The following PTPRT variants were observed in gnomAD, a reference collection of about 807,000 sequenced individuals.
The protein encoded by PTPRT is protein tyrosine phosphatase receptor type T, also known as receptor-type tyrosine-protein phosphatase T.
Under a neutral mutation model 176.8 loss-of-function variants are expected in PTPRT, and 56 were observed. The observed-to-expected ratio is 0.32, with a 90% CI of 0.26 to 0.40. The LOEUF is 0.40. PTPRT is among the 10% of genes least tolerant of loss of function. The probability of loss-of-function intolerance (pLI) is 1.00; values close to 1 mark genes in which losing one functional copy is unlikely to be tolerated. For synonymous variants in PTPRT, 783 were observed against 739.0 expected (o/e 1.06, Z -0.96); for missense variants, 1,540 against 1,908.2 (o/e 0.81, Z 3.60).
At chr20:43,048,637 C>T (rs1157386423) in intron 1 of PTPRT, among the ~76,000 whole-genome samples, 1 of 152,060 alleles carries the variant, frequency 6.6e-6, no homozygotes, top group Non-Finnish European at 1.5e-5. Flanking sequence ...CTGTTGGTGG[C>T]CCTCATAGAG....
intron 2 of PTPRT, among the ~76,000 whole-genome samples, chr20:42,796,568 G>A (rs927694096): frequency 6.6e-6 from 1 of 152,234 alleles, no homozygotes; most frequent in Non-Finnish European, 1.5e-5. Context: ...AGACAACTCT[G>A]CCGTTCCTTG....
intron 7 of PTPRT, among the ~76,000 whole-genome samples, chr20:42,539,809 C>T (rs2072546583): frequency 6.6e-6 from 1 of 151,860 alleles, no homozygotes; most frequent in African/African-American, 2.4e-5. Context: ...ATATTAGAAG[C>T]CAATAAAAGG....
At chr20:43,074,298 A>G (rs1047391164) in intron 1 of PTPRT, among the ~76,000 whole-genome samples, 1 of 152,208 alleles carries the variant, frequency 6.6e-6, no homozygotes. Flanking sequence ...AAATTTTATA[A>G]CGTCTATTAA....
chr20:42,809,711 G>C (rs1351306428), intron 2 of PTPRT, among the ~76,000 whole-genome samples: 3 of 152,056 alleles, frequency 2.0e-5, no homozygotes, highest in South Asian at 4.1e-4. Flanking sequence ...GTTTTCACAT[G>C]GTCTTCTCCT....
At chr20:42,875,031 G>T (rs990965272) in intron 2 of PTPRT, among the ~76,000 whole-genome samples, 1 of 152,166 alleles carries the variant, frequency 6.6e-6, no homozygotes, top group Admixed American at 6.5e-5. Flanking sequence ...TTTGTCATCA[G>T]AAGAAGCACT....
rs181250465 is a variant in PTPRT at position 42,574,887 on chromosome 20, T to C, written c.1154-102325A>G. Among the ~76,000 whole-genome samples, 19 of 152,082 alleles carry C rather than the reference T, an allele frequency of 1.2e-4. No homozygotes were observed. In the East Asian group the frequency reaches 3.7e-3, roughly 29 times the overall value. On this transcript the variant is annotated intron_variant, in intron 7 of 30. Transcript: ENST00000373187. ...AAGTGTTTGGCAGCTCCTCGTTTGT[T>C]CTCTCTCTCTCCTGCCATCCTGCCA...
chr20:43,102,753 A>C (rs74764326), intron 1 of PTPRT, among the ~76,000 whole-genome samples: 1,904 of 152,276 alleles, frequency 0.013, 36 homozygotes, highest in African/African-American at 0.044. Flanking sequence ...TACCTATGGC[A>C]GGAGCCCCTG....
chr20:42,962,795 C>CG (rs1568703728), intron 1 of PTPRT, among the ~76,000 whole-genome samples: 1 of 152,156 alleles, frequency 6.6e-6, no homozygotes. Flanking sequence ...AGGCCAGGCG[C>CG]GGTGGCTCAC....
intron 2 of PTPRT, among the ~76,000 whole-genome samples, chr20:42,854,017 T>C (rs59483795): frequency 0.19 from 29,357 of 152,040 alleles, 2,970 homozygotes; most frequent in East Asian, 0.31. Context: ...TGTCAACAAA[T>C]CCTTTCCAAC....
chr20:42,042,282 C>A, the PTPRT span, among the ~76,000 whole-genome samples: 1 of 152,118 alleles, frequency 6.6e-6, no homozygotes, highest in Non-Finnish European at 1.5e-5. Flanking sequence ...CATTAGTGAG[C>A]AATAGAGATT....
At chr20:42,243,088 A>G (rs1225259148) in intron 14 of PTPRT, among the ~76,000 whole-genome samples, 2 of 150,576 alleles carry the variant, frequency 1.3e-5, no homozygotes, top group African/African-American at 4.9e-5. Context: ...AGAGAGAGAG[A>G]CAGAGAGACA....
chr20:42,060,614 T>C, the PTPRT span, among the ~76,000 whole-genome samples: 2 of 152,234 alleles, frequency 1.3e-5, no homozygotes, highest in African/African-American at 4.8e-5. Context: ...AAGTTTTCTC[T>C]CTCTGCCTGC....
rs1389160956 is a variant in PTPRT, at chr20:42,141,948, G to A, written c.2737C>T (p.Arg913Cys). Residue 913 changes from arginine (R) to cysteine (C), a missense_variant, in exon 18 of 31, where the codon CGC becomes TGC. Arg to Cys is a radical substitution (Grantham distance 180). Around this residue, in one of 11 missense-constraint regions of PTPRT, gnomAD observed 248 missense variants for 356.7 expected, o/e 0.70. Transcript: ENST00000373187. ...ATGTTCCCATATCGATTCTTATTGC[G>A]GTTTTCATCCTCCTTGGCTGTGTCC... ...SWDTAKEDENRNKNRYGNIIS... is the reference protein window; with the variant it reads ...SWDTAKEDENCNKNRYGNIIS... The A allele has an allele frequency of 3.7e-6, 6 of 1,614,090 alleles. No homozygotes were observed. Among genetic ancestry groups the A allele is most frequent in the Admixed American group, 1.7e-5 (1 of 60,016 alleles).
At chr20:42,464,471 G>C (rs1256082981) in intron 8 of PTPRT, among the ~76,000 whole-genome samples, 1 of 152,098 alleles carries the variant, frequency 6.6e-6, no homozygotes, top group Non-Finnish European at 1.5e-5. Context: ...GTAAGATTTT[G>C]AATTCTATTT....
chr20:43,108,728 T>C (rs1451141373), intron 1 of PTPRT, among the ~76,000 whole-genome samples: 2 of 152,062 alleles, frequency 1.3e-5, no homozygotes, highest in Non-Finnish European at 2.9e-5. Flanking sequence ...AGAGGGAGGA[T>C]GTATTTGAAG....
chr20:43,036,201 A>T (rs1018990328), intron 1 of PTPRT, among the ~76,000 whole-genome samples: 1 of 152,162 alleles, frequency 6.6e-6, no homozygotes, highest in Non-Finnish European at 1.5e-5. Context: ...TTTAAAAAAA[A>T]TTTTGTTTTG....
intron 25 of PTPRT, 128 bp downstream of exon 25, chr20:42,104,441 G>T: frequency 9.1e-7 from 1 of 1,094,676 alleles, no homozygotes; most frequent in Non-Finnish European, 1.3e-6. Context: ...GAAGCTTGAT[G>T]CTGGGCTTCT....
chr20:42,991,686 T>A (rs1171820048), intron 1 of PTPRT, among the ~76,000 whole-genome samples: 9 of 152,228 alleles, frequency 5.9e-5, no homozygotes, highest in African/African-American at 2.2e-4. Context: ...CACTCAATTG[T>A]ACACTTAAAA....
At chr20:43,108,847 G>C (rs2012734442) in intron 1 of PTPRT, among the ~76,000 whole-genome samples, 1 of 152,070 alleles carries the variant, frequency 6.6e-6, no homozygotes, top group Non-Finnish European at 1.5e-5. Flanking sequence ...AAATTTTAAG[G>C]TCTGAAATTT....
Sources: allele counts gnomAD v4.1 joint callset (sites outside exome capture counted in the v4.1 genomes callset), GRCh38; gene constraint gnomAD v4.1.1; regional missense constraint gnomAD v4.1.1; transcripts MANE v1.5; gene names NCBI Gene and HGNC (gene_info 2026-07-23, HGNC 2026-07-21).